KIAA1549L: variants seen among roughly 807,000 people sequenced by gnomAD.
KIAA1549L encodes UPF0606 protein KIAA1549L.
KIAA1549L carries 88 observed loss-of-function variants against 160.7 expected under a neutral mutation model. That is an observed-to-expected ratio of 0.55 (90% CI 0.46 to 0.65). The LOEUF (loss-of-function observed/expected upper bound fraction) is 0.65, where lower values mean the gene tolerates loss of function less well. Ranked by LOEUF, KIAA1549L falls within the 30% of genes least tolerant of loss-of-function variation. The probability of loss-of-function intolerance (pLI) is 0.00; values close to 1 mark genes in which losing one functional copy is unlikely to be tolerated. For missense variants in KIAA1549L, 2,258 were observed against 2,437.5 expected, an observed-to-expected ratio of 0.93 and a Z score of 1.55; for synonymous variants, 950 against 976.7, an observed-to-expected ratio of 0.97 and a Z score of 0.51.
chr11:33,500,222 T>G (rs968697895), intron 1 of KIAA1549L, among the ~76,000 whole-genome samples: 7 of 152,200 alleles, frequency 4.6e-5, no homozygotes, highest in Non-Finnish European at 8.8e-5. Flanking sequence ...AAAAGAGGCT[T>G]AGAGAGAGGT....
At chr11:33,633,139 C>CTTTTGTTT (rs1851345989) in intron 16 of KIAA1549L, among the ~76,000 whole-genome samples, 1 of 50,714 alleles carries the variant, frequency 2.0e-5, no homozygotes, top group African/African-American at 8.5e-5. Context: ...CCATGCCCAG[C>CTTTTGTTT]TTTTTTTTTT....
chr11:33,458,342 G>A (rs997451244), intron 1 of KIAA1549L, among the ~76,000 whole-genome samples: 1 of 152,230 alleles, frequency 6.6e-6, no homozygotes, highest in Non-Finnish European at 1.5e-5. Context: ...GCCACCATTT[G>A]TACTCTTGCC....
At chr11:33,619,464 T>C (rs529813324) in intron 16 of KIAA1549L, among the ~76,000 whole-genome samples, 10 of 152,252 alleles carry the variant, frequency 6.6e-5, no homozygotes, top group Admixed American at 3.3e-4. Flanking sequence ...GATAAACTTA[T>C]GTTATAATTT....
intron 19 of KIAA1549L, among the ~76,000 whole-genome samples, 157 bp from the exon 20 acceptor site, chr11:33,660,706 C>T (rs920203033): frequency 1.3e-5 from 2 of 152,208 alleles, no homozygotes; most frequent in Admixed American, 1.3e-4. Context: ...TGTTACAGCC[C>T]AGAGCAAGCT....
chr11:33,606,816 C>A lies in KIAA1549L; in HGVS notation c.5055C>A (p.Asn1685Lys). ...GCCAGGAGTCATCGGCAGTCCTCAA[C>A]GGCGAGGTAAGTGCCTGGAGACCCA... ...DRSQESSAVL[N>K]GEVNKALKQK... The change falls in exon 14 of 21, where the codon AAC (asparagine) becomes AAA (lysine). Residue 1685 changes from asparagine (N) to lysine (K), a missense_variant. Transcript: ENST00000658780. 1 of 1,602,728 alleles carries A rather than the reference C, an allele frequency of 6.2e-7. No individual in the cohort carries two copies. The highest frequency in any genetic ancestry group is 8.5e-7 in the Non-Finnish European group (1 of 1,174,172).
chr11:33,665,282 T>G (rs1852404496), intron 20 of KIAA1549L: 1 of 152,322 alleles, frequency 6.6e-6, no homozygotes, highest in Non-Finnish European at 1.5e-5. Context: ...AGTGGGTAGC[T>G]TCTCTCTGTA....
intron 1 of KIAA1549L, among the ~76,000 whole-genome samples, chr11:33,503,824 A>T (rs962931231): frequency 6.6e-6 from 1 of 152,198 alleles, no homozygotes; most frequent in African/African-American, 2.4e-5. Flanking sequence ...TAACCCTTCA[A>T]TTATTAACTT....
chr11:33,574,229 C>A (rs1032109378), intron 9 of KIAA1549L, among the ~76,000 whole-genome samples: 2 of 149,254 alleles, frequency 1.3e-5, no homozygotes, highest in Admixed American at 1.3e-4. Flanking sequence ...AAAGCAAAAC[C>A]GTTATTTTAG....
chr11:33,377,637 T>C (rs1186561713), intron 1 of KIAA1549L, among the ~76,000 whole-genome samples: 1 of 152,216 alleles, frequency 6.6e-6, no homozygotes, highest in Non-Finnish European at 1.5e-5. Flanking sequence ...GATTACTGCC[T>C]GCACTTGGAA....
chr11:33,591,626 C>T (rs1247532995), intron 12 of KIAA1549L, among the ~76,000 whole-genome samples: 2 of 152,198 alleles, frequency 1.3e-5, no homozygotes, highest in Non-Finnish European at 2.9e-5. Flanking sequence ...GGTTTTATGT[C>T]TCTGATAACC....
chr11:33,587,591 C>G (rs1849920482), intron 11 of KIAA1549L, among the ~76,000 whole-genome samples: 1 of 152,208 alleles, frequency 6.6e-6, no homozygotes, highest in African/African-American at 2.4e-5. Flanking sequence ...CAAACATACA[C>G]AGGGATTGTT....
chr11:33,506,202 A>G (rs1853082970), intron 1 of KIAA1549L, among the ~76,000 whole-genome samples: 1 of 152,156 alleles, frequency 6.6e-6, no homozygotes, highest in Non-Finnish European at 1.5e-5. Flanking sequence ...AAGTTAGGAA[A>G]CTGGAGTGGG....
At chr11:33,385,176 T>C (rs1032303504) in intron 1 of KIAA1549L, among the ~76,000 whole-genome samples, 4 of 152,238 alleles carry the variant, frequency 2.6e-5, no homozygotes, top group Admixed American at 6.5e-5. Context: ...AATTTTTTTA[T>C]ATGGATATTT....
At position 33,496,162 on chromosome 11, in the gene KIAA1549L, C is replaced by G. The variant is rs138990486; in HGVS notation, c.239-45640C>G. Among the ~76,000 whole-genome samples, 369 of 152,172 alleles carry G rather than the reference C, an allele frequency of 2.4e-3. 4 individuals are homozygous for G. In the South Asian group the frequency reaches 0.025, roughly 10 times the overall value. Reference sequence around the variant, plus strand: ...TATTTTTAGTAGAGATGGGGTTTTGCCATGTTGGGCAGGCTGGTCTTGAAC... The same window carrying G: ...TATTTTTAGTAGAGATGGGGTTTTGGCATGTTGGGCAGGCTGGTCTTGAAC... On this transcript the variant is annotated intron_variant, in intron 1 of 20. Coordinates refer to ENST00000658780, the MANE Select transcript of KIAA1549L (RefSeq NM_012194.3).
rs957426659 is a variant in KIAA1549L, at chr11:33,376,264, A to G, written c.-388A>G. Among the ~76,000 whole-genome samples the G allele has an allele frequency of 1.4e-5, 2 of 147,408 alleles. No individual in the cohort carries two copies. Among genetic ancestry groups the G allele is most frequent in the African/African-American group, 4.9e-5 (2 of 40,486 alleles). ...AGCGGCGGCGGGAGGGAGGGACCCGAGCGCGCCCCGCGGCCGCCACCCCCG... is the reference window on the plus strand; with the variant it reads ...AGCGGCGGCGGGAGGGAGGGACCCGGGCGCGCCCCGCGGCCGCCACCCCCG... On this transcript the variant is annotated 5_prime_UTR_variant, in exon 1 of 21. Transcript: ENST00000658780. The surrounding 1 kb of genome is among the most constrained non-coding windows in gnomAD (Gnocchi z 5.8).
rs116728616 is a variant in KIAA1549L, at chr11:33,516,678, G to A, written c.239-25124G>A. On this transcript the variant is annotated intron_variant, in intron 1 of 20. Coordinates refer to ENST00000658780, the MANE Select transcript of KIAA1549L (RefSeq NM_012194.3). ...CTGCCTTTTTCTTCCTAATTATTCAGTCTTAAAACAAACAAACAAACAAAA... is the reference window on the plus strand; with the variant it reads ...CTGCCTTTTTCTTCCTAATTATTCAATCTTAAAACAAACAAACAAACAAAA... Among the ~76,000 whole-genome samples the A allele has an allele frequency of 1.2e-3, 188 of 152,160 alleles. 2 individuals carry two copies. The highest frequency in any genetic ancestry group is 4.4e-3 in the African/African-American group (182 of 41,504).
intron 1 of KIAA1549L, among the ~76,000 whole-genome samples, chr11:33,439,291 C>G (rs1054274421): frequency 6.6e-6 from 1 of 152,098 alleles, no homozygotes; most frequent in Non-Finnish European, 1.5e-5. Flanking sequence ...TAATATTTTA[C>G]TTATTAATGG....
At chr11:33,588,923 G>A (rs1849961625) in intron 11 of KIAA1549L, among the ~76,000 whole-genome samples, 1 of 152,186 alleles carries the variant, frequency 6.6e-6, no homozygotes, top group Non-Finnish European at 1.5e-5. Context: ...AAAAAGCCAT[G>A]TTGGAGTTAG....
At chr11:33,575,925 A>C (rs1855429932) in intron 10 of KIAA1549L, among the ~76,000 whole-genome samples, 1 of 152,066 alleles carries the variant, frequency 6.6e-6, no homozygotes, top group Non-Finnish European at 1.5e-5. Context: ...TGAGCTAAGG[A>C]GTAATATCAT....
Sources: gnomAD v4.1 joint callset for allele counts (sites outside exome capture counted in the v4.1 genomes callset) on GRCh38, gnomAD v4.1.1 for gene constraint, Gnocchi (gnomAD v3.1) non-coding constraint, MANE v1.5 for transcripts, NCBI Gene and HGNC (gene_info 2026-07-23, HGNC 2026-07-21) for gene names.